Variants in XPNPEP2 observed in about 807,000 individuals in gnomAD.
XPNPEP2 encodes the protein xaa-Pro aminopeptidase 2.
In XPNPEP2, 64 loss-of-function variants were observed where a neutral mutation model predicts 59.8. That is an observed-to-expected ratio of 1.07 (90% CI 0.87 to 1.32). XPNPEP2 has a LOEUF of 1.32. XPNPEP2 is among the 40% of genes most tolerant of loss of function. The pLI is 0.00. For synonymous variants in XPNPEP2, 235 were observed against 210.0 expected, an observed-to-expected ratio of 1.12 and a Z score of -1.03; for missense variants, 575 against 546.8, an observed-to-expected ratio of 1.05 and a Z score of -0.51.
chrX:129,757,886 A>G (rs1467472608), intron 14 of XPNPEP2, among the ~76,000 whole-genome samples: 22 of 84,660 alleles, frequency 2.6e-4, no homozygotes, highest in African/African-American at 9.0e-4. Flanking sequence ...AGAGAGAGAG[A>G]GAGAGAGAGA....
At chrX:129,761,980 T>C in intron 17 of XPNPEP2, 26 bp from the exon 18 acceptor site, 1 of 1,208,236 alleles carries the variant, frequency 8.3e-7, no homozygotes, top group African/African-American at 1.7e-5. Context: ...GGAGAACTGA[T>C]ACCATGTTTA....
chrX:129,763,973 T>G (rs1926701711), intron 19 of XPNPEP2, among the ~76,000 whole-genome samples: 1 of 109,975 alleles, frequency 9.1e-6, no homozygotes, highest in East Asian at 2.9e-4. Flanking sequence ...GGACCAAAGT[T>G]TTAAGGTGAG....
At chrX:129,746,921 C>T (rs896420922) in intron 6 of XPNPEP2, 15 of 396,688 alleles carry the variant, frequency 3.8e-5, no homozygotes, top group African/African-American at 3.3e-4. Context: ...GAGACCCAAC[C>T]TAGAAGACTC....
chrX:129,751,096 A>AC (rs1926383731), intron 8 of XPNPEP2, among the ~76,000 whole-genome samples: 15 of 23,851 alleles, frequency 6.3e-4, no homozygotes, highest in South Asian at 3.0e-3. Context: ...AAAGACGCCC[A>AC]CTCCCCCACC....
intron 13 of XPNPEP2, among the ~76,000 whole-genome samples, chrX:129,755,943 C>T (rs1926509228): frequency 8.9e-6 from 1 of 112,358 alleles, no homozygotes; most frequent in Non-Finnish European, 1.9e-5. Context: ...CCCACTCGGG[C>T]TAGAGTGGCA....
In XPNPEP2 at chrX:129,746,318, C is replaced by T; in HGVS notation, c.381C>T (p.Cys127=). The T allele has an allele frequency of 8.3e-7, 1 of 1,210,137 alleles. No homozygotes were observed. Among genetic ancestry groups the T allele is most frequent in the East Asian group, 3.0e-5 (1 of 33,842 alleles). ...CTCAGGCTGAGCGGCAGATGGACTG[C>T]AACTGGGAGCTCCATAAGGAAGGTA... ...YWTQAERQMD[C]NWELHKEVGT... is the part of the protein sequence containing the mutation. The change falls in exon 5 of 21, where the codon TGC becomes TGT. Residue 127 remains cysteine (C), a synonymous_variant. Coordinates refer to ENST00000371106, the MANE Select transcript of XPNPEP2 (RefSeq NM_003399.6).
intron 19 of XPNPEP2, among the ~76,000 whole-genome samples, chrX:129,766,940 G>A (rs865960793): frequency 4.5e-5 from 5 of 111,496 alleles, no homozygotes; most frequent in Non-Finnish European, 9.4e-5. Context: ...TCAGCCAGGC[G>A]TGGTGGGTCA....
At position 129,761,123 on chromosome X, in the gene XPNPEP2, A is replaced by G. The variant is rs1184436521; in HGVS notation, c.1499-49A>G. ...TGAAGCAAGAAGGGGCAAGGTGGAC[A>G]GTCTTCGGTAAAGCCATCTGACTGG... On this transcript the variant is annotated intron_variant, in intron 16 of 20. Coordinates refer to ENST00000371106, the MANE Select transcript of XPNPEP2 (RefSeq NM_003399.6). 2.6e-6 allele frequency: 3 copies of G among 1,151,739 alleles called. No homozygotes were observed. In the South Asian group the frequency reaches 5.5e-5, roughly 21 times the overall value. The allele number at this position is 1,151,739 out of a possible 1,213,427, so 94.9% of individuals were successfully genotyped here.
intron 1 of XPNPEP2, among the ~76,000 whole-genome samples, chrX:129,740,619 A>T (rs1602893308): frequency 1.2e-5 from 1 of 80,760 alleles, no homozygotes; most frequent in African/African-American, 5.3e-5. Flanking sequence ...AAAGAAGGAG[A>T]CTCCATCTCA....
At chrX:129,765,371 C>A (rs73559023) in intron 19 of XPNPEP2, among the ~76,000 whole-genome samples, 4,127 of 111,493 alleles carry the variant, frequency 0.037, 212 homozygotes, top group African/African-American at 0.13. Flanking sequence ...GGGACTATAT[C>A]CAGAAGGTAC....
chrX:129,746,277 G>A lies in XPNPEP2; in HGVS notation c.340G>A (p.Asp114Asn), dbSNP rs774159719. The A allele has an allele frequency of 3.5e-5, 42 of 1,209,812 alleles. No individual in the cohort carries two copies. In the East Asian group the frequency reaches 5.3e-4, roughly 15 times the overall value. Residue 114 changes from aspartate (D) to asparagine (N), a missense_variant, in exon 5 of 21, where the codon GAC becomes AAC. Physicochemically the swap from Asp to Asn is conservative, Grantham distance 23. Transcript: ENST00000371106. ...TATGAAGAAAGCAGCTGTCTGGACC[G>A]ACAGTCGCTACTGGACTCAGGCTGA... ...VTMKKAAVWT[D>N]SRYWTQAERQ...
chrX:129,756,616 A>G (rs1926523128), intron 14 of XPNPEP2, 61 bp downstream of exon 14: 1 of 1,109,042 alleles, frequency 9.0e-7, no homozygotes, highest in African/African-American at 1.8e-5. Context: ...GAGCCTGCCA[A>G]GAGTCAGCCA....
Position 129,746,516 on chromosome X carries a change from A to G in XPNPEP2, c.404-79A>G, listed in dbSNP as rs1386037471. On this transcript the variant is annotated intron_variant, in intron 5 of 20. Transcript: ENST00000371106. ...CAAGGAAGACACACATGGTAGGACC[A>G]TCAGACAGAACCCCTGGCTGGAGAG... The G allele has an allele frequency of 4.9e-6, 5 of 1,029,018 alleles. No individual in the cohort carries two copies. The East Asian group carries it at 1.5e-4, about 31-fold the overall frequency. 84.8% of individuals were successfully genotyped at this position (1,029,018 alleles called of 1,213,427 possible). A position where few individuals can be genotyped will look rare whatever the true frequency, so the allele number is the denominator to read the frequency against.
chrX:129,756,542 G>A lies in XPNPEP2; in HGVS notation c.1354G>A (p.Gly452Arg). 1 of 1,210,947 alleles carries A rather than the reference G, an allele frequency of 8.3e-7. No individual in the cohort carries two copies. Among genetic ancestry groups the A allele is most frequent in the Non-Finnish European group, 1.1e-6 (1 of 894,897 alleles). ...AGATGAGATGTACCTGCTGGACTCT[G>A]GGGGGCAGTACTGGTATGTACCCCG... ...SSDEMYLLDS[G>R]GQYWDGTTDI... The change falls in exon 14 of 21, where the codon GGG becomes AGG. Residue 452 changes from glycine (G) to arginine (R), a missense_variant. By Grantham distance (125) the Gly-to-Arg change is moderately radical (BLOSUM62 -2). Coordinates refer to ENST00000371106, the MANE Select transcript of XPNPEP2 (RefSeq NM_003399.6).
In XPNPEP2 at chrX:129,752,028, C is replaced by A; in HGVS notation, c.822-122C>A. On this transcript the variant is annotated intron_variant, in intron 9 of 20. Transcript: ENST00000371106. ...GTCCCTATTGAATCCCAAATCTGGC[C>A]TGCTTGGCTCCCTGGGGCTGGCTTC... 3 of 913,867 alleles carry A rather than the reference C, an allele frequency of 3.3e-6. No homozygotes were observed. In the South Asian group the frequency reaches 7.1e-5, roughly 22 times the overall value. The allele number at this position is 913,867 out of a possible 1,213,427, so 75.3% of individuals were successfully genotyped here.
At chrX:129,748,296 G>T (rs1024748168) in intron 7 of XPNPEP2, among the ~76,000 whole-genome samples, 1 of 112,013 alleles carries the variant, frequency 8.9e-6, no homozygotes, top group African/African-American at 3.3e-5. Flanking sequence ...CAATCAGGAA[G>T]GTTAGAAAAA....
rs966471049 is a variant in XPNPEP2, at chrX:129,752,426, A to C, written c.1017+81A>C. On this transcript the variant is annotated intron_variant, in intron 10 of 20. Coordinates refer to ENST00000371106, the MANE Select transcript of XPNPEP2 (RefSeq NM_003399.6). ...GAAGTCTTAACCTAAAGTGAGGTGA[A>C]GCCCCTCAGCCATTCAGTCATCTGG... The C allele has an allele frequency of 4.9e-6, 5 of 1,022,872 alleles. No individual in the cohort carries two copies. In the African/African-American group the frequency reaches 9.4e-5, roughly 19 times the overall value. The allele number at this position is 1,022,872 out of a possible 1,213,427, so 84.3% of individuals were successfully genotyped here. A position where few individuals can be genotyped will look rare whatever the true frequency, so the allele number is the denominator to read the frequency against.
chrX:129,764,245 G>A (rs5024861), intron 19 of XPNPEP2, among the ~76,000 whole-genome samples: 39,030 of 106,648 alleles, frequency 0.37, 6,297 homozygotes, highest in African/African-American at 0.61. Flanking sequence ...TTACAAATCC[G>A]TAAGACAAAA....
intron 14 of XPNPEP2, among the ~76,000 whole-genome samples, chrX:129,757,025 C>T (rs867631593): frequency 4.0e-4 from 28 of 70,098 alleles, no homozygotes; most frequent in East Asian, 1.8e-3. Context: ...TATATATATA[C>T]ACACACACAC....
Sources: gnomAD v4.1 joint callset for allele counts (sites outside exome capture counted in the v4.1 genomes callset) on GRCh38, gnomAD v4.1.1 for gene constraint, MANE v1.5 for transcripts, NCBI Gene and HGNC (gene_info 2026-07-23, HGNC 2026-07-21) for gene names.